The following NPNT variants were observed in gnomAD, a reference collection of about 807,000 sequenced individuals.
The protein encoded by NPNT is preosteoblast EGF-like repeat protein with MAM domain.
In NPNT, 45 loss-of-function variants were observed where a neutral mutation model predicts 68.6. The observed-to-expected ratio is 0.66, with a 90% CI of 0.52 to 0.84. The LOEUF is 0.84. Among genes scored for constraint, NPNT ranks in the 40% least tolerant of loss-of-function variants. NPNT has a pLI of 0.00. For synonymous variants in NPNT, 233 were observed against 253.3 expected, an observed-to-expected ratio of 0.92 and a Z score of 0.76; for missense variants, 672 against 714.8, an observed-to-expected ratio of 0.94 and a Z score of 0.68.
chr4:105,954,318 C>A (rs941646637), intron 8 of NPNT, among the ~76,000 whole-genome samples: 11 of 152,140 alleles, frequency 7.2e-5, no homozygotes, highest in African/African-American at 2.7e-4. Flanking sequence ...AAGCAACAGG[C>A]AAGACATATC....
At chr4:105,968,068 C>T (rs1452529051) in intron 11 of NPNT, among the ~76,000 whole-genome samples, 1 of 152,022 alleles carries the variant, frequency 6.6e-6, no homozygotes, top group African/African-American at 2.4e-5. Flanking sequence ...CTAGGGCATC[C>T]CAACAAAATT....
intron 8 of NPNT, among the ~76,000 whole-genome samples, chr4:105,955,633 A>T (rs1731167512): frequency 6.6e-6 from 1 of 152,090 alleles, no homozygotes; most frequent in Admixed American, 6.6e-5. Context: ...CATTTCTAAT[A>T]CTTAGATTAC....
At chr4:105,931,960 CTCT>C (rs1444546945) in intron 3 of NPNT, among the ~76,000 whole-genome samples, 3 of 152,176 alleles carry the variant, frequency 2.0e-5, no homozygotes, top group Non-Finnish European at 4.4e-5. Context: ...AGTCTCAACT[CTCT>C]TCTTTGAGTC....
In NPNT at chr4:105,938,342, G is replaced by A; in HGVS notation, c.427G>A (p.Asp143Asn). ...CSMANCQYGCDVVKGQIRCQC... is the reference protein window; with the variant it reads ...CSMANCQYGCNVVKGQIRCQC... ...CATGGCAAACTGTCAGTATGGCTGT[G>A]ATGTTGTTAAAGGACAAATACGGTG... Residue 143 changes from aspartate (D) to asparagine (N), a missense_variant, in exon 5 of 12, where the codon GAT (aspartate) becomes AAT (asparagine). Asp to Asn is a conservative substitution (Grantham distance 23, BLOSUM62 1). Transcript: ENST00000379987. 2 of 1,613,796 alleles carry A rather than the reference G, an allele frequency of 1.2e-6. No homozygotes were observed. The highest frequency in any genetic ancestry group is 1.7e-6 in the Non-Finnish European group (2 of 1,179,804).
chr4:105,965,328 C>A (rs1282820419), intron 10 of NPNT, among the ~76,000 whole-genome samples: 1 of 143,212 alleles, frequency 7.0e-6, no homozygotes, highest in Admixed American at 7.1e-5. Context: ...GTATCATTTC[C>A]TTTATTACAA....
intron 10 of NPNT, among the ~76,000 whole-genome samples, chr4:105,966,670 ATTT>A (rs550640802): frequency 0.029 from 4,175 of 145,818 alleles, 183 homozygotes; most frequent in African/African-American, 0.099. Context: ...ACGTTTAGAG[ATTT>A]TTTTTTTTTA....
In NPNT at chr4:105,898,245, T is replaced by C. The variant is rs146355937; in HGVS notation, c.172+244T>C. The C allele has an allele frequency of 7.0e-4, 250 of 359,112 alleles. 1 individual carries two copies. Among genetic ancestry groups the C allele is most frequent in the African/African-American group, 4.3e-3 (207 of 47,720 alleles). 22.2% of individuals were successfully genotyped at this position (359,112 alleles called of 1,614,324 possible). A position where few individuals can be genotyped will look rare whatever the true frequency, so the allele number is the denominator to read the frequency against. Reference sequence around the variant, plus strand: ...CCTTAAATGTTTCTTTTAGCATTTTTCCCCCCAAATCTGCATCTCCTTCCT... The same window carrying C: ...CCTTAAATGTTTCTTTTAGCATTTTCCCCCCCAAATCTGCATCTCCTTCCT... On this transcript the variant is annotated intron_variant, in intron 2 of 11. Coordinates refer to ENST00000379987, the MANE Select transcript of NPNT (RefSeq NM_001033047.3).
At position 105,969,026 on chromosome 4, in the gene NPNT, C is replaced by T. The variant is rs750997884; in HGVS notation, c.*36C>T. The T allele has an allele frequency of 2.3e-6, 3 of 1,322,152 alleles. No individual in the cohort carries two copies. Among genetic ancestry groups the T allele is most frequent in the South Asian group, 2.4e-5 (2 of 83,292 alleles). The allele number at this position is 1,322,152 out of a possible 1,614,324, so 81.9% of individuals were successfully genotyped here. On this transcript the variant is annotated 3_prime_UTR_variant, in exon 12 of 12. Coordinates refer to ENST00000379987, the MANE Select transcript of NPNT (RefSeq NM_001033047.3). ...ACTAACAATGAACTCCTATGTTGCTCTATCCTCTTTTTCCAATTCTCATCT... is the reference window on the plus strand; with the variant it reads ...ACTAACAATGAACTCCTATGTTGCTTTATCCTCTTTTTCCAATTCTCATCT...
chr4:105,957,119 G>A (rs1731289611), intron 8 of NPNT, among the ~76,000 whole-genome samples: 1 of 152,162 alleles, frequency 6.6e-6, no homozygotes, highest in East Asian at 1.9e-4. Context: ...TTCTGGCAAA[G>A]AGAAGGGAGT....
intron 9 of NPNT, 152 bp from the exon 10 acceptor site, chr4:105,958,869 AAAAGATT>A: frequency 1.7e-6 from 1 of 602,254 alleles, no homozygotes; most frequent in East Asian, 2.8e-5. Context: ...TTGTGCTGAG[AAAAGATT>A]AATGTAATTT....
At chr4:105,952,824 C>T (rs903625655) in intron 8 of NPNT, among the ~76,000 whole-genome samples, 1 of 152,170 alleles carries the variant, frequency 6.6e-6, no homozygotes, top group African/African-American at 2.4e-5. Context: ...CCAAGCAGCC[C>T]TTATCAGAGA....
chr4:105,966,890 G>T (rs1578698572), intron 10 of NPNT, among the ~76,000 whole-genome samples: 1 of 152,004 alleles, frequency 6.6e-6, no homozygotes, highest in Non-Finnish European at 1.5e-5. Flanking sequence ...ATATGTTGTT[G>T]TATGCCTATA....
chr4:105,898,001 C>T lies in NPNT; in HGVS notation c.172C>T (p.Pro58Ser), dbSNP rs1168583277. Reference protein sequence around the residue: ...WARQSWGQCQPVCQPRCKHGE... With the variant: ...WARQSWGQCQSVCQPRCKHGE... ...TCGCCAGTCTTGGGGACAGTGTCAG[C>T]GTGAGTATCAAGCCTGGGGACTTCA... Residue 58 changes from proline to serine, a missense_variant and splice_region_variant, in exon 2 of 12, where the codon CCT (proline) becomes TCT (serine). Transcript: ENST00000379987. 1.3e-5 allele frequency: 20 copies of T among 1,597,474 alleles called. No homozygotes were observed. The highest frequency in any genetic ancestry group is 1.8e-5 in the Admixed American group (1 of 56,884).
At chr4:105,898,061 T>C in intron 2 of NPNT, 60 bp downstream of exon 2, 1 of 1,128,662 alleles carries the variant, frequency 8.9e-7, no homozygotes, top group Non-Finnish European at 1.3e-6. Flanking sequence ...ACCTTGTTCA[T>C]GGCTTCACCC....
In NPNT at chr4:105,900,757, G is replaced by C. The variant is rs567472836; in HGVS notation, c.172+2756G>C. Among the ~76,000 whole-genome samples the C allele has an allele frequency of 3.3e-4, 50 of 151,428 alleles. 1 individual carries two copies. In the South Asian group the frequency reaches 0.01, roughly 31 times the overall value. On this transcript the variant is annotated intron_variant, in intron 2 of 11. Transcript: ENST00000379987. The stretch of plus-strand genomic sequence containing the variant: ...ACATTCTATCCCAACATTCCTGCCT[G>C]CTAGGGAAAGCATGACCCGTTCCAG...
chr4:105,940,656 C>A lies in NPNT; in HGVS notation c.763+20C>A. 6.2e-7 allele frequency: 1 copy of A among 1,608,974 alleles called. No individual in the cohort carries two copies. Among genetic ancestry groups the A allele is most frequent in the Non-Finnish European group, 8.5e-7 (1 of 1,176,774 alleles). ...GTGTGTGTGAGTAGCACTTGTCTCT[C>A]AGCTTTAAATTCTAGCAGGAAATAC... On this transcript the variant is annotated intron_variant, in intron 7 of 11. Transcript: ENST00000379987.
Position 105,955,239 on chromosome 4 carries a change from A to T in NPNT, c.1160-3232A>T, listed in dbSNP as rs527889166. On this transcript the variant is annotated intron_variant, in intron 8 of 11. Coordinates refer to ENST00000379987, the MANE Select transcript of NPNT (RefSeq NM_001033047.3). ...TAGCCAAAGTATCAAGCAGGGAAAG[A>T]ACAATTAGAAAAATCATGTACCAAT... is the stretch of plus-strand genomic sequence containing the variant. 2.0e-5 allele frequency among the ~76,000 whole-genome samples: 3 copies of T among 152,346 alleles called. No homozygotes were observed. The East Asian group carries it at 5.8e-4, about 29-fold the overall frequency.
chr4:105,928,661 A>G (rs1728876758), intron 3 of NPNT, among the ~76,000 whole-genome samples: 2 of 152,024 alleles, frequency 1.3e-5, no homozygotes, highest in Middle Eastern at 3.4e-3. Flanking sequence ...GAATTAAACT[A>G]AAGAAAGATT....
At chr4:105,936,312 A>G (rs2149367087) in intron 3 of NPNT, among the ~76,000 whole-genome samples, 1 of 152,348 alleles carries the variant, frequency 6.6e-6, no homozygotes, top group East Asian at 1.9e-4. Flanking sequence ...GCATTACTAA[A>G]GTAGGAAACT....
Sources: gnomAD v4.1 joint callset for allele counts (sites outside exome capture counted in the v4.1 genomes callset) on GRCh38, gnomAD v4.1.1 for gene constraint, MANE v1.5 for transcripts, NCBI Gene and HGNC (gene_info 2026-07-23, HGNC 2026-07-21) for gene names.